RUNX3: variants seen among roughly 807,000 people sequenced by gnomAD.
RUNX3 encodes RUNX family transcription factor 3.
RUNX3 carries 10 observed loss-of-function variants against 27.7 expected under a neutral mutation model. The observed-to-expected ratio is 0.36, with a 90% CI of 0.22 to 0.61. RUNX3 has a LOEUF of 0.61. Among genes scored for constraint, RUNX3 ranks in the 20% least tolerant of loss-of-function variants. The pLI is 0.72. For missense variants in RUNX3, 469 were observed against 629.5 expected, an observed-to-expected ratio of 0.75 and a Z score of 2.73; for synonymous variants, 270 against 269.2, an observed-to-expected ratio of 1.00 and a Z score of -0.03.
chr1:24,930,989 T>C (rs1254208417), upstream of RUNX3, among the ~76,000 whole-genome samples: 1 of 152,164 alleles, frequency 6.6e-6, no homozygotes, highest in African/African-American at 2.4e-5. This position sits in a 1 kb window ranked among gnomAD's most constrained non-coding sequence, Gnocchi z 4.1. Context: ...TCAAAACAAG[T>C]TTCAGGATCT....
At chr1:24,908,820 G>A (rs553363917) in intron 3 of RUNX3, among the ~76,000 whole-genome samples, 1 of 152,332 alleles carries the variant, frequency 6.6e-6, no homozygotes, top group East Asian at 1.9e-4. Context: ...ATGGGAGGTG[G>A]CCCCAGGAGG....
chr1:24,944,752 A>G (rs964882971), intron 2 of RUNX3, among the ~76,000 whole-genome samples: 3 of 152,224 alleles, frequency 2.0e-5, no homozygotes, highest in Non-Finnish European at 2.9e-5. Context: ...GCTATGAGCC[A>G]TGGAAAGCAG....
At chr1:24,928,573 T>C (rs1321788324) in intron 1 of RUNX3, among the ~76,000 whole-genome samples, 2 of 152,232 alleles carry the variant, frequency 1.3e-5, no homozygotes, top group Non-Finnish European at 2.9e-5. Flanking sequence ...GGGATCTGAT[T>C]AAGAAGACCA....
intron 1 of RUNX3, 21 bp downstream of exon 1, chr1:24,929,566 C>G (rs775976481): frequency 3.8e-6 from 6 of 1,591,004 alleles, no homozygotes; most frequent in Non-Finnish European, 4.3e-6. Flanking sequence ...GGCGCCCTCC[C>G]GCCCCGGGTC....
In RUNX3 at chr1:24,944,913, T is replaced by C. The variant is rs367599772; in HGVS notation, c.59-15061A>G. 3.3e-5 allele frequency among the ~76,000 whole-genome samples: 5 copies of C among 152,304 alleles called. No homozygotes were observed. In the East Asian group the frequency reaches 9.7e-4, roughly 29 times the overall value. ...GAACTGTAAGATTATAAATGCATGT[T>C]TTTTTTAAGGCACTAAAAGTGGGTT... On this transcript the variant is annotated intron_variant, in intron 2 of 6. Transcript: ENST00000338888.
At chr1:24,921,787 C>T (rs1001547938) in intron 2 of RUNX3, among the ~76,000 whole-genome samples, 3 of 152,182 alleles carry the variant, frequency 2.0e-5, no homozygotes. Flanking sequence ...GCCCAGAGCC[C>T]TAGGGGCCAG....
chr1:24,957,144 A>G (rs1641955540), intron 2 of RUNX3, among the ~76,000 whole-genome samples: 1 of 152,186 alleles, frequency 6.6e-6, no homozygotes, highest in Non-Finnish European at 1.5e-5. Context: ...CTTTTGCCAA[A>G]AACACTTTTC....
chr1:24,957,356 C>A (rs571666513), intron 2 of RUNX3, among the ~76,000 whole-genome samples: 1 of 152,180 alleles, frequency 6.6e-6, no homozygotes, highest in African/African-American at 2.4e-5. Context: ...ATCCATCCAT[C>A]CATCCATCCA....
chr1:24,905,824 G>A (rs532605739), intron 4 of RUNX3, among the ~76,000 whole-genome samples: 1 of 152,248 alleles, frequency 6.6e-6, no homozygotes, highest in African/African-American at 2.4e-5. Flanking sequence ...TGGCCCATGG[G>A]TAGCAGAAGC....
rs1015682746 is a variant in RUNX3 at position 24,929,725 on chromosome 1, G to A, written c.144C>T (p.Ala48=). Residue 48 remains alanine, a synonymous_variant, in exon 1 of 5, where the codon GCC becomes GCT. Coordinates refer to ENST00000308873, the MANE Select transcript of RUNX3 (RefSeq NM_004350.3). ...CCACCATCGAGCGCACCTCGGGCCG[G>A]GCGCGCCCTCCGGGCCCCACGGCCG... The part of the protein sequence containing the change: ...AQAAVGPGGR[A]RPEVRSMVDV... The A allele has an allele frequency of 6.6e-7, 1 of 1,510,784 alleles. No individual in the cohort carries two copies. 93.6% of individuals were successfully genotyped at this position (1,510,784 alleles called of 1,614,324 possible). A position where few individuals can be genotyped will look rare whatever the true frequency, so the allele number is the denominator to read the frequency against.
chr1:24,946,721 G>A (rs1641617669), intron 2 of RUNX3, among the ~76,000 whole-genome samples: 1 of 152,074 alleles, frequency 6.6e-6, no homozygotes, highest in African/African-American at 2.4e-5. Context: ...GGGTTGCTGA[G>A]ACCAGTATAG....
chr1:24,903,963 G>T (rs969902300), intron 4 of RUNX3, among the ~76,000 whole-genome samples: 1 of 152,190 alleles, frequency 6.6e-6, no homozygotes, highest in Non-Finnish European at 1.5e-5. Flanking sequence ...CACAGAGCAG[G>T]GGTCCATGAG....
chr1:24,957,219 G>A (rs915779583), intron 2 of RUNX3, among the ~76,000 whole-genome samples: 2 of 152,226 alleles, frequency 1.3e-5, no homozygotes, highest in Non-Finnish European at 2.9e-5. Context: ...CGATTGGACC[G>A]GAGTGCTCAG....
intron 2 of RUNX3, among the ~76,000 whole-genome samples, chr1:24,955,903 TA>T (rs1239302630): frequency 6.6e-6 from 1 of 152,224 alleles, no homozygotes; most frequent in Non-Finnish European, 1.5e-5. Flanking sequence ...AGATGCTCAA[TA>T]AATGTTCATT....
Position 24,927,576 on chromosome 1 carries a change from C to T in RUNX3, c.437G>A (p.Arg146Gln). The T allele has an allele frequency of 6.2e-7, 1 of 1,614,082 alleles. No individual in the cohort carries two copies. Among genetic ancestry groups the T allele is most frequent in the African/African-American group, 1.3e-5 (1 of 75,042 alleles). Residue 146 changes from arginine to glutamine, a missense_variant and splice_region_variant, in exon 2 of 5, where the codon CGA becomes CAA. Physicochemically the swap from Arg to Gln is conservative, Grantham distance 43. Coordinates refer to ENST00000308873, the MANE Select transcript of RUNX3 (RefSeq NM_004350.3). This position sits in a 1 kb window ranked among gnomAD's most constrained non-coding sequence, Gnocchi z 5.0. The part of the protein sequence containing the change: ...NDLRFVGRSG[R>Q]GKSFTLTITV... ...GGCGAGGCCTCCCTTCCACTTACCT[C>T]GCCCACTGCGGCCCACGAAGCGAAG...
intron 2 of RUNX3, among the ~76,000 whole-genome samples, chr1:24,941,307 A>G (rs1202251312): frequency 2.0e-5 from 3 of 152,198 alleles, no homozygotes; most frequent in Non-Finnish European, 4.4e-5. Flanking sequence ...CCTTGCACCT[A>G]CATAGGAAGG....
rs1641043391 is a variant in RUNX3 at position 24,923,746 on chromosome 1, C to T, written c.439+3828G>A. 6.6e-6 allele frequency among the ~76,000 whole-genome samples: 1 copy of T among 152,150 alleles called. No homozygotes were observed. The highest frequency in any genetic ancestry group is 1.5e-5 in the Non-Finnish European group (1 of 68,016). ...ACCTCGGGGTTTTCTCAGCTTCAGC[C>T]AAGAAGCCATTCATCTCTCCCCCAA... On this transcript the variant is annotated intron_variant, in intron 2 of 4. Transcript: ENST00000308873. The surrounding 1 kb of genome is among the most constrained non-coding windows in gnomAD (Gnocchi z 5.9).
rs369870835 is a variant in RUNX3 at position 24,902,100 on chromosome 1, C to A, written c.*22G>T. 6.6e-7 allele frequency: 1 copy of A among 1,504,744 alleles called. No individual in the cohort carries two copies. Among genetic ancestry groups the A allele is most frequent in the Non-Finnish European group, 8.9e-7 (1 of 1,125,194 alleles). The allele number at this position is 1,504,744 out of a possible 1,614,324, so 93.2% of individuals were successfully genotyped here. On this transcript the variant is annotated 3_prime_UTR_variant, in exon 5 of 5. Coordinates refer to ENST00000308873, the MANE Select transcript of RUNX3 (RefSeq NM_004350.3). This position sits in a 1 kb window ranked among gnomAD's most constrained non-coding sequence, Gnocchi z 9.2. The stretch of plus-strand genomic sequence containing the variant: ...AGGTTGTTAGGGTCCCCGCCTCCAG[C>A]GGGAGGAGTCCACCAGGGCGGTCAG...
chr1:24,911,015 C>T (rs988618857), intron 3 of RUNX3, among the ~76,000 whole-genome samples: 4 of 152,206 alleles, frequency 2.6e-5, no homozygotes, highest in Non-Finnish European at 4.4e-5. Context: ...AGGCCCAGTA[C>T]GGCCAGAGCT....
Sources: gnomAD v4.1 joint callset for allele counts (sites outside exome capture counted in the v4.1 genomes callset) on GRCh38, gnomAD v4.1.1 for gene constraint, Gnocchi (gnomAD v3.1) non-coding constraint, MANE v1.5 for transcripts, NCBI Gene and HGNC (gene_info 2026-07-23, HGNC 2026-07-21) for gene names.